The following UBE4B variants were observed in gnomAD, a reference collection of about 807,000 sequenced individuals.
The protein encoded by UBE4B is ubiquitin conjugation factor E4 B.
A neutral mutation model predicts 148.1 loss-of-function variants in UBE4B; 27 were observed. The ratio of observed to expected loss-of-function variants is 0.18; its 90% confidence interval spans 0.13 to 0.25. UBE4B has a LOEUF of 0.25. UBE4B is among the 10% of genes least tolerant of loss of function. The pLI is 1.00. For missense variants in UBE4B, 1,170 were observed against 1,662.4 expected (o/e 0.70, Z 5.15); for synonymous variants, 596 against 619.3 (o/e 0.96, Z 0.56).
chr1:10,177,938 G>C (rs1415403312), intron 25 of UBE4B, among the ~76,000 whole-genome samples: 1 of 151,904 alleles, frequency 6.6e-6, no homozygotes, highest in Non-Finnish European at 1.5e-5. Flanking sequence ...CTGCACAGCT[G>C]GTAGGTGGTA....
chr1:10,097,741 TG>T (rs982420982), intron 3 of UBE4B, among the ~76,000 whole-genome samples: 2 of 151,474 alleles, frequency 1.3e-5, no homozygotes, highest in Admixed American at 1.3e-4. Context: ...ACTTGGGAGG[TG>T]GAGGTTGCTG....
At chr1:10,159,652 T>C (rs1646129241) in intron 22 of UBE4B, among the ~76,000 whole-genome samples, 1 of 152,146 alleles carries the variant, frequency 6.6e-6, no homozygotes, top group Non-Finnish European at 1.5e-5. Context: ...GCCACTGCAC[T>C]CCAGCCTGGG....
At chr1:10,112,659 C>T (rs980184316) in intron 7 of UBE4B, among the ~76,000 whole-genome samples, 1 of 152,190 alleles carries the variant, frequency 6.6e-6, no homozygotes, top group Non-Finnish European at 1.5e-5. Flanking sequence ...CTCAGCCTCC[C>T]AAAGTGTAGA....
In UBE4B at chr1:10,178,742, C is replaced by T. The variant is rs146659821; in HGVS notation, c.3624C>T (p.Ala1208=). The T allele has an allele frequency of 3.1e-6, 5 of 1,613,620 alleles. No homozygotes were observed. Among genetic ancestry groups the T allele is most frequent in the Non-Finnish European group, 4.2e-6 (5 of 1,179,922 alleles). ...TIAIEKFKLL[A]EKVEEIVAKN... ...CAATAGAAAAATTTAAGCTGCTCGC[C>T]GAGAAAGTGGAGGAGATAGTGGCCA... Residue 1208 remains alanine, a synonymous_variant, in exon 26 of 28, where the codon GCC becomes GCT. Transcript: ENST00000343090.
At chr1:10,043,052 C>T (rs1643830213) in intron 1 of UBE4B, among the ~76,000 whole-genome samples, 1 of 150,970 alleles carries the variant, frequency 6.6e-6, no homozygotes, top group Non-Finnish European at 1.5e-5. Flanking sequence ...CTCTGTCACT[C>T]AGGCTGGACT....
chr1:10,123,222 G>A (rs1645437913), intron 10 of UBE4B, among the ~76,000 whole-genome samples: 1 of 152,116 alleles, frequency 6.6e-6, no homozygotes, highest in Non-Finnish European at 1.5e-5. Context: ...CCTGAGGTCA[G>A]GAGTTCGAGA....
chr1:10,171,272 G>A lies in UBE4B; in HGVS notation c.3468G>A (p.Thr1156=), dbSNP rs142901446. ...FEPKKLLDQL[T]DIYLQLDCAR... ...CAAAGAAGCTGTTGGACCAACTGAC[G>A]GATATTTACTTACAGCTGGACTGTG... The change falls in exon 25 of 28, where the codon ACG becomes ACA. Residue 1156 remains threonine, a synonymous_variant. Coordinates refer to ENST00000343090, the MANE Select transcript of UBE4B (RefSeq NM_001105562.3). 9.2e-5 allele frequency: 148 copies of A among 1,614,022 alleles called. No homozygotes were observed. The Admixed American group carries it at 1.1e-3, about 11-fold the overall frequency.
intron 1 of UBE4B, among the ~76,000 whole-genome samples, chr1:10,046,349 A>G (rs895000912): frequency 1.3e-5 from 2 of 152,228 alleles, no homozygotes; most frequent in African/African-American, 4.8e-5. Context: ...GATCAACTTC[A>G]GAGTCCAGAA....
intron 15 of UBE4B, among the ~76,000 whole-genome samples, chr1:10,133,563 A>G (rs1337226095): frequency 6.6e-6 from 1 of 152,230 alleles, no homozygotes; most frequent in African/African-American, 2.4e-5. Context: ...TAGAGAAACA[A>G]TGTCACATGA....
intron 5 of UBE4B, among the ~76,000 whole-genome samples, chr1:10,105,298 A>G (rs1280292801): frequency 1.7e-4 from 26 of 152,186 alleles, no homozygotes; most frequent in Non-Finnish European, 1.3e-4. Context: ...CCTGACGTTA[A>G]TATCTTATAT....
intron 25 of UBE4B, among the ~76,000 whole-genome samples, chr1:10,176,828 C>G (rs996197198): frequency 1.3e-5 from 2 of 148,256 alleles, no homozygotes; most frequent in African/African-American, 2.5e-5. Context: ...CTCTGTTGCC[C>G]AGGCTGGAGT....
At chr1:10,153,490 T>TAAAAAAAAAA (rs1045427991) in intron 21 of UBE4B, among the ~76,000 whole-genome samples, 55 of 49,214 alleles carry the variant, frequency 1.1e-3, no homozygotes, top group African/African-American at 4.6e-3. Flanking sequence ...ACCCTGTTTC[T>TAAAAAAAAAA]AAAAAAAAAA....
At chr1:10,130,926 A>T in intron 14 of UBE4B, 113 bp downstream of exon 14, 1 of 853,026 alleles carries the variant, frequency 1.2e-6, no homozygotes, top group Non-Finnish European at 1.9e-6. Flanking sequence ...ACAAAAGCCA[A>T]TTCGATCTTA....
chr1:10,068,591 T>G (rs1161969316), intron 1 of UBE4B, among the ~76,000 whole-genome samples: 1 of 151,326 alleles, frequency 6.6e-6, no homozygotes, highest in Non-Finnish European at 1.5e-5. Context: ...CCTCGGGCCA[T>G]CTGCCTGCCT....
intron 17 of UBE4B, among the ~76,000 whole-genome samples, chr1:10,141,602 A>AT (rs1388648289): frequency 6.6e-6 from 1 of 151,968 alleles, no homozygotes; most frequent in Non-Finnish European, 1.5e-5. Context: ...AAATCTTGCC[A>AT]TTTTTTTTCT....
At chr1:10,152,625 C>T (rs557663539) in intron 21 of UBE4B, among the ~76,000 whole-genome samples, 5 of 151,942 alleles carry the variant, frequency 3.3e-5, no homozygotes, top group African/African-American at 1.2e-4. Context: ...TGGAGAAACC[C>T]CGTCTCTACT....
chr1:10,041,092 A>C (rs1643744760), intron 1 of UBE4B, among the ~76,000 whole-genome samples: 1 of 152,056 alleles, frequency 6.6e-6, no homozygotes, highest in African/African-American at 2.4e-5. Context: ...CCTTTTGTTC[A>C]TTGTAGACAA....
chr1:10,177,925 C>T (rs80105625), intron 25 of UBE4B, among the ~76,000 whole-genome samples: 1,625 of 152,034 alleles, frequency 0.011, 21 homozygotes, highest in African/African-American at 0.036. Context: ...GATTTGCCTA[C>T]GACTGCACAG....
chr1:10,138,523 C>A (rs1201380339), intron 17 of UBE4B, among the ~76,000 whole-genome samples: 1 of 152,122 alleles, frequency 6.6e-6, no homozygotes, highest in African/African-American at 2.4e-5. Flanking sequence ...TGTGAGCCAC[C>A]GTGCCTGGCC....
Sources: gnomAD v4.1 joint callset for allele counts (sites outside exome capture counted in the v4.1 genomes callset) on GRCh38, gnomAD v4.1.1 for gene constraint, MANE v1.5 for transcripts, NCBI Gene and HGNC (gene_info 2026-07-23, HGNC 2026-07-21) for gene names.